MOB2: variants seen among roughly 807,000 people sequenced by gnomAD.
MOB2 encodes MOB2 Mps One Binder homolog.
In MOB2, 14 loss-of-function variants were observed where a neutral mutation model predicts 27.4. The ratio of observed to expected loss-of-function variants is 0.51; its 90% CI spans 0.34 to 0.80. MOB2 has a LOEUF of 0.80. MOB2 is among the 30% of genes least tolerant of loss of function. The pLI, the probability that MOB2 is intolerant of heterozygous loss-of-function variation, is 0.01. For synonymous variants in MOB2, 167 were observed against 151.8 expected (o/e 1.10, Z -0.74); for missense variants, 304 against 354.6 (o/e 0.86, Z 1.15).
Position 1,470,046 on chromosome 11 carries a change from T to C in MOB2, c.*126A>G, listed in dbSNP as rs1246437859. 2 of 1,536,618 alleles carry C rather than the reference T, an allele frequency of 1.3e-6. No homozygotes were observed. Among genetic ancestry groups the C allele is most frequent in the East Asian group, 2.4e-5 (1 of 40,896 alleles). On this transcript the variant is annotated 3_prime_UTR_variant, in exon 5 of 5. Coordinates refer to ENST00000329957, the MANE Select transcript of MOB2 (RefSeq NM_001172223.3). ...TCTGTGCCTGTGCAGCCCACACCAG[T>C]GCAGCCCGGGGCCCTCTCAGACCTC...
At chr11:1,472,133 G>A (rs1229609060) in intron 3 of MOB2, 3 of 152,014 alleles carry the variant, frequency 2.0e-5, no homozygotes, top group African/African-American at 7.3e-5. Flanking sequence ...GTTAATATAA[G>A]GTGACCCCCA....
At chr11:1,484,654 C>T (rs924940372) in intron 1 of MOB2, among the ~76,000 whole-genome samples, 10 of 152,114 alleles carry the variant, frequency 6.6e-5, no homozygotes, top group African/African-American at 2.4e-4. Context: ...GGCGCCACCC[C>T]CACCCCTACA....
At chr11:1,471,884 A>G (rs1387081542) in intron 3 of MOB2, 1 of 153,368 alleles carries the variant, frequency 6.5e-6, no homozygotes, top group African/African-American at 2.4e-5. Context: ...TCTGACTGCT[A>G]GAAGCCAAGC....
At chr11:1,476,765 G>A (rs1291066890) in intron 3 of MOB2, among the ~76,000 whole-genome samples, 1 of 152,126 alleles carries the variant, frequency 6.6e-6, no homozygotes, top group Non-Finnish European at 1.5e-5. Flanking sequence ...CTTGAGTTAT[G>A]TCTCACAAAT....
At chr11:1,472,229 T>G (rs1847802105) in intron 3 of MOB2, 1 of 148,576 alleles carries the variant, frequency 6.7e-6, no homozygotes. Context: ...CCTGCCACGG[T>G]GCTGGGTCTC....
chr11:1,477,079 A>G (rs1047572539), intron 3 of MOB2, among the ~76,000 whole-genome samples: 3 of 152,112 alleles, frequency 2.0e-5, no homozygotes, highest in African/African-American at 7.2e-5. Flanking sequence ...TGTCATTTCA[A>G]TCCAACCCAC....
chr11:1,482,433 T>C (rs577660398), intron 1 of MOB2, among the ~76,000 whole-genome samples: 10 of 152,174 alleles, frequency 6.6e-5, no homozygotes, highest in African/African-American at 2.2e-4. Context: ...CAGAGAGGGC[T>C]GGGCAGGGGC....
At chr11:1,483,933 T>C (rs1197176649) in intron 1 of MOB2, among the ~76,000 whole-genome samples, 1 of 152,202 alleles carries the variant, frequency 6.6e-6, no homozygotes, top group Non-Finnish European at 1.5e-5. Flanking sequence ...GGTCTCACCC[T>C]GCCCACAGCA....
At chr11:1,481,088 G>T in intron 1 of MOB2, 1 of 694,776 alleles carries the variant, frequency 1.4e-6, no homozygotes, top group Non-Finnish European at 2.5e-6. Flanking sequence ...GAGCTGCCTT[G>T]CGTGGCACCT....
In MOB2 at chr11:1,483,008, G is replaced by A. The variant is rs144500099; in HGVS notation, c.111-2123C>T. Among the ~76,000 whole-genome samples the A allele has an allele frequency of 6.0e-3, 907 of 152,362 alleles. 6 individuals are homozygous for A. Among genetic ancestry groups the A allele is most frequent in the Admixed American group, 9.0e-3 (138 of 15,314 alleles). On this transcript the variant is annotated intron_variant, in intron 1 of 4. Coordinates refer to ENST00000329957, the MANE Select transcript of MOB2 (RefSeq NM_001172223.3). Reference sequence around the variant, plus strand: ...CCAAGCCAGCGGCAGCTACCGAGGAGGCCTCAGAGCACACGACACCTCCAT... The same window carrying A: ...CCAAGCCAGCGGCAGCTACCGAGGAAGCCTCAGAGCACACGACACCTCCAT...
rs1847974900 is a variant in MOB2 at position 1,486,756 on chromosome 11, CA to C, written c.-201del. On this transcript the variant is annotated 5_prime_UTR_variant, in exon 1 of 5. The change abolishes the stop of an existing upstream ORF in the 5' untranslated region. Coordinates refer to ENST00000329957, the MANE Select transcript of MOB2 (RefSeq NM_001172223.3). ...AGGGAGCGTCTGAATTGGCCTTTTC[CA>C]AGTGGCATGGCTGCCAGAAGAGGCG... 1.8e-6 allele frequency: 1 copy of C among 558,380 alleles called. No homozygotes were observed. The highest frequency in any genetic ancestry group is 3.1e-5 in the Admixed American group (1 of 32,754). 34.6% of individuals were successfully genotyped at this position (558,380 alleles called of 1,614,324 possible). A position where few individuals can be genotyped will look rare whatever the true frequency, so the allele number is the denominator to read the frequency against.
chr11:1,478,163 GGCCCCACAGCCGCCACA>G (rs200178520), intron 3 of MOB2, among the ~76,000 whole-genome samples: 3,475 of 152,112 alleles, frequency 0.023, 132 homozygotes, highest in African/African-American at 0.077. Flanking sequence ...ACCGCCGCCA[GGCCCCACAGCCGCCACA>G]GCCCCACCGC....
At chr11:1,482,859 C>T (rs983107154) in intron 1 of MOB2, among the ~76,000 whole-genome samples, 1 of 152,194 alleles carries the variant, frequency 6.6e-6, no homozygotes, top group Admixed American at 6.5e-5. Context: ...GGGAAAGCCC[C>T]GAACGCCTGG....
chr11:1,483,922 G>A (rs1029287215), intron 1 of MOB2, among the ~76,000 whole-genome samples: 7 of 152,186 alleles, frequency 4.6e-5, no homozygotes, highest in Non-Finnish European at 1.0e-4. Flanking sequence ...AACACACAGG[G>A]GGTCTCACCC....
chr11:1,478,306 TGGCGTCTCCACAAACACTCAGTGGGA>T (rs1487651352), intron 3 of MOB2, among the ~76,000 whole-genome samples: 3 of 152,252 alleles, frequency 2.0e-5, no homozygotes, highest in Admixed American at 2.0e-4. Context: ...GCACCATCAC[TGGCGTCTCCACAAACACTCAGTGGGA>T]GGAGGCCCTC....
intron 3 of MOB2, among the ~76,000 whole-genome samples, chr11:1,478,583 G>A (rs1463148244): frequency 6.6e-6 from 1 of 152,190 alleles, no homozygotes; most frequent in Non-Finnish European, 1.5e-5. Context: ...TCTGACTGCT[G>A]ACAGAGGATG....
chr11:1,479,226 C>G (rs1221338092), intron 3 of MOB2, among the ~76,000 whole-genome samples: 2 of 152,220 alleles, frequency 1.3e-5, no homozygotes, highest in Admixed American at 6.5e-5. Context: ...AGGCGCTGAG[C>G]CAGCACTTGG....
At chr11:1,474,284 G>C (rs1407634562) in intron 3 of MOB2, among the ~76,000 whole-genome samples, 2 of 152,210 alleles carry the variant, frequency 1.3e-5, no homozygotes, top group Non-Finnish European at 2.9e-5. Flanking sequence ...CTGCTGAGTT[G>C]TGTATGTTCT....
At position 1,469,755 on chromosome 11, in the gene MOB2, G is replaced by A. The variant is rs1235005507; in HGVS notation, c.*417C>T. On this transcript the variant is annotated 3_prime_UTR_variant, in exon 5 of 5. Coordinates refer to ENST00000329957, the MANE Select transcript of MOB2 (RefSeq NM_001172223.3). Reference sequence around the variant, plus strand: ...AGAGGGAAGGAGGGTCTCTGTGAAAGCAAGCCCCACCCCCAGAGCAGAGCA... The same window carrying A: ...AGAGGGAAGGAGGGTCTCTGTGAAAACAAGCCCCACCCCCAGAGCAGAGCA... The A allele has an allele frequency of 6.4e-6, 3 of 472,420 alleles. No homozygotes were observed. The highest frequency in any genetic ancestry group is 1.3e-5 in the Non-Finnish European group (3 of 238,062). 29.3% of individuals were successfully genotyped at this position (472,420 alleles called of 1,614,324 possible).
Sources: gnomAD v4.1 joint callset for allele counts (sites outside exome capture counted in the v4.1 genomes callset) on GRCh38, gnomAD v4.1.1 for gene constraint, MANE v1.5 for transcripts, NCBI Gene and HGNC (gene_info 2026-07-23, HGNC 2026-07-21) for gene names.